SAMD5: variants seen among roughly 807,000 people sequenced by gnomAD.
The protein encoded by SAMD5 is sterile alpha motif domain-containing protein 5.
SAMD5 carries 13 observed loss-of-function variants against 11.3 expected under a neutral mutation model. The observed-to-expected ratio is 1.15, with a 90% CI of 0.75 to 1.83. The LOEUF is 1.83. Among genes scored for constraint, SAMD5 ranks in the 40% most tolerant of loss-of-function variants. The probability of loss-of-function intolerance (pLI) is 0.00; values close to 1 mark genes in which losing one functional copy is unlikely to be tolerated. For synonymous variants in SAMD5, 129 were observed against 111.3 expected, an observed-to-expected ratio of 1.16 and a Z score of -1.00; for missense variants, 255 against 239.1, an observed-to-expected ratio of 1.07 and a Z score of -0.44.
At chr6:147,577,053 A>C (rs1046558326) in intron 1 of SAMD5, among the ~76,000 whole-genome samples, 2 of 152,242 alleles carry the variant, frequency 1.3e-5, no homozygotes, top group African/African-American at 4.8e-5. Flanking sequence ...AAAATTAAGA[A>C]AACCAGTAGG....
At chr6:147,821,493 C>T in the SAMD5 span, among the ~76,000 whole-genome samples, 10 of 152,300 alleles carry the variant, frequency 6.6e-5, no homozygotes, top group East Asian at 1.9e-4. Context: ...AAAGCTCTCA[C>T]GGCTTTGCTC....
chr6:147,862,178 A>G, the SAMD5 span, among the ~76,000 whole-genome samples: 1 of 151,854 alleles, frequency 6.6e-6, no homozygotes, highest in Non-Finnish European at 1.5e-5. Context: ...ATAGATAATT[A>G]TTTTTATGGT....
intron 1 of SAMD5, among the ~76,000 whole-genome samples, chr6:147,673,806 G>A (rs1400213703): frequency 6.6e-6 from 1 of 152,062 alleles, no homozygotes; most frequent in African/African-American, 2.4e-5. Flanking sequence ...AGAGCAACAT[G>A]AATGAAAGAT....
At chr6:147,821,634 G>T in the SAMD5 span, among the ~76,000 whole-genome samples, 1 of 152,186 alleles carries the variant, frequency 6.6e-6, no homozygotes, top group Non-Finnish European at 1.5e-5. Flanking sequence ...ATTATGCTCT[G>T]GTGTGTTCTA....
the SAMD5 span, among the ~76,000 whole-genome samples, chr6:147,747,538 G>T: frequency 6.6e-6 from 1 of 152,062 alleles, no homozygotes; most frequent in African/African-American, 2.4e-5. Flanking sequence ...TTTTTGAGAC[G>T]GGGTCTCTAT....
the SAMD5 span, among the ~76,000 whole-genome samples, chr6:147,829,976 A>G: frequency 6.6e-6 from 1 of 152,186 alleles, no homozygotes; most frequent in Admixed American, 6.5e-5. Context: ...ATGGGACACC[A>G]TTGAAGGCTT....
At chr6:147,733,636 AC>A (rs1791751861) in intron 1 of SAMD5, 1 of 175,922 alleles carries the variant, frequency 5.7e-6, no homozygotes, top group African/African-American at 2.4e-5. Context: ...AACTTTGATA[AC>A]CATTATAATT....
the SAMD5 span, among the ~76,000 whole-genome samples, chr6:147,744,553 A>G: frequency 1.4e-4 from 22 of 152,274 alleles, no homozygotes; most frequent in Non-Finnish European, 2.8e-4. Flanking sequence ...TTCTTCGACC[A>G]AAAAAACTAC....
chr6:147,830,736 A>G, the SAMD5 span, among the ~76,000 whole-genome samples: 2 of 152,246 alleles, frequency 1.3e-5, no homozygotes, highest in Admixed American at 6.5e-5. Context: ...TAAAAGCAAA[A>G]TAACTAATAG....
downstream of SAMD5, among the ~76,000 whole-genome samples, chr6:147,572,641 T>G (rs1789153876): frequency 6.6e-6 from 1 of 152,188 alleles, no homozygotes; most frequent in African/African-American, 2.4e-5. Flanking sequence ...TTAGATCATA[T>G]ATTCCTACTG....
the SAMD5 span, among the ~76,000 whole-genome samples, chr6:147,845,063 G>T: frequency 6.6e-6 from 1 of 151,978 alleles, no homozygotes; most frequent in African/African-American, 2.4e-5. Context: ...TGATTATTCC[G>T]CATTGTATAC....
the SAMD5 span, among the ~76,000 whole-genome samples, chr6:147,951,275 G>A: frequency 1.3e-5 from 2 of 151,222 alleles, no homozygotes; most frequent in East Asian, 1.9e-4. Flanking sequence ...TCCGCCTTCC[G>A]GGTTCACGCC....
the SAMD5 span, among the ~76,000 whole-genome samples, chr6:147,890,603 C>T: frequency 6.6e-6 from 1 of 152,104 alleles, no homozygotes; most frequent in African/African-American, 2.4e-5. Flanking sequence ...AGGTGATCCA[C>T]CCAACTTGGC....
chr6:147,728,231 G>T (rs1257939435), intron 1 of SAMD5, among the ~76,000 whole-genome samples: 2 of 152,120 alleles, frequency 1.3e-5, no homozygotes, highest in African/African-American at 4.8e-5. Flanking sequence ...TTTGAGACCA[G>T]CCTGGCCAAT....
chr6:147,875,030 T>C, the SAMD5 span, among the ~76,000 whole-genome samples: 1 of 152,158 alleles, frequency 6.6e-6, no homozygotes, highest in East Asian at 1.9e-4. Flanking sequence ...AAGCAAAGAT[T>C]GTTCATTTAC....
At chr6:147,699,687 C>T (rs1791225362) in intron 1 of SAMD5, among the ~76,000 whole-genome samples, 1 of 152,188 alleles carries the variant, frequency 6.6e-6, no homozygotes, top group South Asian at 2.1e-4. Context: ...GCCCATTCCT[C>T]TATCAAGGGT....
At chr6:147,616,259 T>C (rs1221844560) in intron 1 of SAMD5, among the ~76,000 whole-genome samples, 1 of 143,570 alleles carries the variant, frequency 7.0e-6, no homozygotes, top group Non-Finnish European at 1.5e-5. Context: ...TTTATTCATA[T>C]ATATTTCATA....
chr6:147,892,496 T>G, the SAMD5 span, among the ~76,000 whole-genome samples: 45 of 152,336 alleles, frequency 3.0e-4, no homozygotes, highest in Non-Finnish European at 5.0e-4. Context: ...ATTCTGTCTG[T>G]ACTGACAAAA....
chr6:147,728,195 G>A (rs1320339308), intron 1 of SAMD5, among the ~76,000 whole-genome samples: 1 of 152,184 alleles, frequency 6.6e-6, no homozygotes, highest in Non-Finnish European at 1.5e-5. Context: ...GGAGAACGAG[G>A]TGGGCAAATT....
Sources: allele counts gnomAD v4.1 joint callset (sites outside exome capture counted in the v4.1 genomes callset), GRCh38; gene constraint gnomAD v4.1.1; transcripts MANE v1.5; gene names NCBI Gene and HGNC (gene_info 2026-07-23, HGNC 2026-07-21).